Variants in FCRL2 observed in about 807,000 individuals in gnomAD.
FCRL2 encodes the protein Fc receptor-like protein 2.
In FCRL2, 48 loss-of-function variants were observed where a neutral mutation model predicts 59.8. The ratio of observed to expected loss-of-function variants is 0.80; its 90% CI spans 0.64 to 1.02. The LOEUF is 1.02. Among genes scored for constraint, FCRL2 ranks in the 50% least tolerant of loss-of-function variants. The probability of loss-of-function intolerance (pLI) is 0.00; values close to 1 mark genes in which losing one functional copy is unlikely to be tolerated. For synonymous variants in FCRL2, 251 were observed against 229.5 expected, an observed-to-expected ratio of 1.09 and a Z score of -0.85; for missense variants, 658 against 597.3, an observed-to-expected ratio of 1.10 and a Z score of -1.06.
rs1309210589 is a variant in FCRL2, at chr1:157,772,027, A to ATT, written c.53-1363_53-1362dup. Among the ~76,000 whole-genome samples, 8 of 137,404 alleles carry ATT rather than the reference A, an allele frequency of 5.8e-5. No homozygotes were observed. In the South Asian group the frequency reaches 6.9e-4, roughly 12 times the overall value. 90.1% of individuals were successfully genotyped at this position (137,404 alleles called of 152,430 possible). A position where few individuals can be genotyped will look rare whatever the true frequency, so the allele number is the denominator to read the frequency against. ...TTGTTAGACATTGGGGAACAATCTG[A>ATT]TTATATATATATATATATATTTAGC... On this transcript the variant is annotated intron_variant, in intron 2 of 11. Coordinates refer to ENST00000361516, the MANE Select transcript of FCRL2 (RefSeq NM_030764.4).
intron 6 of FCRL2, 23 bp from the exon 7 acceptor site, chr1:157,766,994 C>T: frequency 6.3e-7 from 1 of 1,599,044 alleles, no homozygotes; most frequent in Non-Finnish European, 8.5e-7. Context: ...AGCAGTGCTT[C>T]AGCCCCAGAG....
At chr1:157,773,591 T>A (rs1306293761) in intron 2 of FCRL2, among the ~76,000 whole-genome samples, 1 of 152,180 alleles carries the variant, frequency 6.6e-6, no homozygotes, top group Non-Finnish European at 1.5e-5. Flanking sequence ...AGAGTCATAA[T>A]GGGTTTGTGT....
At chr1:157,776,027 G>A (rs1026438161) in intron 1 of FCRL2, among the ~76,000 whole-genome samples, 2 of 152,056 alleles carry the variant, frequency 1.3e-5, no homozygotes, top group African/African-American at 4.8e-5. Context: ...AGGGATTGTC[G>A]AGAATACCCA....
intron 7 of FCRL2, among the ~76,000 whole-genome samples, chr1:157,758,665 C>G (rs1320790376): frequency 5.0e-5 from 2 of 39,946 alleles, no homozygotes; most frequent in Non-Finnish European, 1.1e-4. Context: ...CCCAAATAGC[C>G]AAAGCAGTCC....
chr1:157,759,566 T>G (rs1250978033), intron 7 of FCRL2, among the ~76,000 whole-genome samples: 1 of 152,144 alleles, frequency 6.6e-6, no homozygotes, highest in Non-Finnish European at 1.5e-5. Flanking sequence ...CTTTAATACC[T>G]AGAATCTACT....
chr1:157,758,298 G>A (rs906751773), intron 7 of FCRL2, among the ~76,000 whole-genome samples: 1 of 152,130 alleles, frequency 6.6e-6, no homozygotes, highest in Non-Finnish European at 1.5e-5. Flanking sequence ...TAGCAGAGAG[G>A]GGTAAAGAAG....
At chr1:157,749,783 A>G (rs1437047710) in intron 7 of FCRL2, 106 bp from the exon 8 acceptor site, 2 of 751,454 alleles carry the variant, frequency 2.7e-6, no homozygotes, top group Admixed American at 4.6e-5. Context: ...CATAAGATAT[A>G]GAAGAGTAAT....
At chr1:157,755,637 A>G (rs965713753) in intron 7 of FCRL2, among the ~76,000 whole-genome samples, 1 of 152,240 alleles carries the variant, frequency 6.6e-6, no homozygotes, top group Non-Finnish European at 1.5e-5. Context: ...GTAATCATTA[A>G]CATTAAGATA....
At chr1:157,765,836 A>C (rs12088665) in intron 7 of FCRL2, among the ~76,000 whole-genome samples, 3,968 of 152,332 alleles carry the variant, frequency 0.026, 164 homozygotes, top group African/African-American at 0.089. Context: ...AGAAGTGACA[A>C]AACATCATAC....
chr1:157,776,037 AT>A (rs1487348389), intron 1 of FCRL2, among the ~76,000 whole-genome samples: 6 of 152,112 alleles, frequency 3.9e-5, no homozygotes, highest in Admixed American at 2.0e-4. Flanking sequence ...GAGAATACCC[AT>A]GTTGGATATT....
intron 11 of FCRL2, 37 bp from the exon 12 acceptor site, chr1:157,746,811 C>T (rs2101656366): frequency 6.2e-7 from 1 of 1,613,680 alleles, no homozygotes; most frequent in Admixed American, 1.7e-5. Flanking sequence ...CTGAGGTGAT[C>T]AAGAAAATAA....
At chr1:157,768,277 G>C in intron 5 of FCRL2, 137 bp downstream of exon 5, 1 of 802,942 alleles carries the variant, frequency 1.2e-6, no homozygotes, top group Non-Finnish European at 2.0e-6. Flanking sequence ...TAACCTGCAA[G>C]CGTAACCCAT....
intron 7 of FCRL2, among the ~76,000 whole-genome samples, chr1:157,760,276 C>G (rs556623932): frequency 6.6e-6 from 1 of 151,948 alleles, no homozygotes; most frequent in Admixed American, 6.6e-5. Flanking sequence ...ACAACAGATG[C>G]TGGGACCTAT....
chr1:157,760,543 G>A (rs1032863077), intron 7 of FCRL2, among the ~76,000 whole-genome samples: 2 of 151,630 alleles, frequency 1.3e-5, no homozygotes, highest in Non-Finnish European at 2.9e-5. Flanking sequence ...CGAGAAAATC[G>A]CTTGAACCCG....
chr1:157,774,018 C>G (rs1204644566), intron 2 of FCRL2, among the ~76,000 whole-genome samples: 1 of 152,198 alleles, frequency 6.6e-6, no homozygotes, highest in Non-Finnish European at 1.5e-5. Context: ...AGATTTAACT[C>G]AGAGCAAGAT....
intron 6 of FCRL2, 52 bp downstream of exon 6, chr1:157,767,179 G>T: frequency 6.4e-7 from 1 of 1,556,738 alleles, no homozygotes; most frequent in Non-Finnish European, 8.7e-7. Context: ...CTCCAGGCTG[G>T]TGAGACACAG....
chr1:157,766,215 T>C (rs376582878), intron 7 of FCRL2, among the ~76,000 whole-genome samples: 19 of 152,374 alleles, frequency 1.2e-4, no homozygotes, highest in African/African-American at 4.1e-4. Flanking sequence ...CTCACGCCTA[T>C]AATCCCAGCA....
At chr1:157,765,462 T>A (rs531213607) in intron 7 of FCRL2, among the ~76,000 whole-genome samples, 1 of 152,306 alleles carries the variant, frequency 6.6e-6, no homozygotes, top group South Asian at 2.1e-4. Flanking sequence ...ATTACCCTGA[T>A]ACCAAAATCA....
chr1:157,758,680 C>CAAAAAAAAAAAA (rs59716565), intron 7 of FCRL2, among the ~76,000 whole-genome samples: 2 of 55,402 alleles, frequency 3.6e-5, no homozygotes, highest in Non-Finnish European at 6.7e-5. Flanking sequence ...CAGTCCCAAG[C>CAAAAAAAAAAAA]AAAAAAAAAA....
Sources: gnomAD v4.1 joint callset for allele counts (sites outside exome capture counted in the v4.1 genomes callset) on GRCh38, gnomAD v4.1.1 for gene constraint, MANE v1.5 for transcripts, NCBI Gene and HGNC (gene_info 2026-07-23, HGNC 2026-07-21) for gene names.